TANC2: variants seen among roughly 807,000 people sequenced by gnomAD.
TANC2 encodes protein TANC2.
TANC2 carries 26 observed loss-of-function variants against 210.5 expected under a neutral mutation model. The ratio of observed to expected loss-of-function variants is 0.12; its 90% confidence interval spans 0.09 to 0.17. The LOEUF (loss-of-function observed/expected upper bound fraction) is 0.17. TANC2 is among the 10% of genes least tolerant of loss of function. The pLI is 1.00. For synonymous variants in TANC2, 931 were observed against 967.1 expected (o/e 0.96, Z 0.69); for missense variants, 2,129 against 2,608.9 (o/e 0.82, Z 4.01).
intron 2 of TANC2, among the ~76,000 whole-genome samples, chr17:63,029,434 A>G (rs1194057987): frequency 1.2e-5 from 1 of 84,382 alleles, no homozygotes; most frequent in Non-Finnish European, 2.4e-5. Context: ...AAATGGCATA[A>G]ATTTTCTGAG....
At chr17:62,994,306 T>C (rs937758012) in intron 1 of TANC2, among the ~76,000 whole-genome samples, 4 of 151,602 alleles carry the variant, frequency 2.6e-5, no homozygotes, top group African/African-American at 9.7e-5. Flanking sequence ...CTCAGCCTCC[T>C]GAGTATCTGG....
At chr17:63,024,737 T>G (rs2034482486) in intron 2 of TANC2, among the ~76,000 whole-genome samples, 1 of 152,226 alleles carries the variant, frequency 6.6e-6, no homozygotes, top group Non-Finnish European at 1.5e-5. Flanking sequence ...TGAGAGACTT[T>G]ATAGGTGAGA....
At chr17:63,164,632 A>G (rs1444802785) in intron 5 of TANC2, among the ~76,000 whole-genome samples, 2 of 152,172 alleles carry the variant, frequency 1.3e-5, no homozygotes, top group Admixed American at 6.5e-5. Context: ...CTGGAAGCCC[A>G]GGAAAGCTGG....
chr17:63,369,616 T>G (rs1475592173), intron 14 of TANC2, among the ~76,000 whole-genome samples: 1 of 149,944 alleles, frequency 6.7e-6, no homozygotes, highest in Non-Finnish European at 1.5e-5. Flanking sequence ...TGCAGTGGCA[T>G]GATCTCAGCT....
intron 4 of TANC2, among the ~76,000 whole-genome samples, chr17:63,120,468 CTCAATT>C (rs1413143307): frequency 6.6e-6 from 1 of 152,036 alleles, no homozygotes; most frequent in Non-Finnish European, 1.5e-5. Flanking sequence ...CATTTAGCCC[CTCAATT>C]TCAAACTAGT....
At chr17:63,249,939 A>C (rs1332270429) in intron 8 of TANC2, among the ~76,000 whole-genome samples, 1 of 152,166 alleles carries the variant, frequency 6.6e-6, no homozygotes, top group Non-Finnish European at 1.5e-5. Flanking sequence ...GTATAGAGTT[A>C]TCTCTAAAAT....
intron 6 of TANC2, among the ~76,000 whole-genome samples, chr17:63,194,590 G>T (rs1488238618): frequency 6.6e-6 from 1 of 152,156 alleles, no homozygotes; most frequent in Non-Finnish European, 1.5e-5. Flanking sequence ...TGGATCATTA[G>T]TTCAGATTTT....
intron 1 of TANC2, among the ~76,000 whole-genome samples, chr17:63,009,300 G>A (rs1339331860): frequency 6.6e-6 from 1 of 151,780 alleles, no homozygotes; most frequent in Non-Finnish European, 1.5e-5. Flanking sequence ...TGGGTACATA[G>A]TAGGTGTATA....
rs112482421 is a variant in TANC2, at chr17:62,995,232, A to G, written c.-23-14305A>G. On this transcript the variant is annotated intron_variant, in intron 1 of 27. Transcript: ENST00000689528. ...GGCTGGCTCACATTGTTTCCTGGGAAGGCCAGCCTGCAGTGGCTTAGATAG... is the reference window on the plus strand; with the variant it reads ...GGCTGGCTCACATTGTTTCCTGGGAGGGCCAGCCTGCAGTGGCTTAGATAG... Among the ~76,000 whole-genome samples, 900 of 152,330 alleles carry G rather than the reference A, an allele frequency of 5.9e-3. 2 individuals carry two copies. Among genetic ancestry groups the G allele is most frequent in the Middle Eastern group, 0.014 (4 of 294 alleles).
intron 5 of TANC2, among the ~76,000 whole-genome samples, chr17:63,186,113 A>C (rs1195868584): frequency 2.0e-5 from 3 of 152,136 alleles, no homozygotes; most frequent in African/African-American, 7.2e-5. Flanking sequence ...TTACTTTTCC[A>C]TATGGATATC....
At chr17:63,091,089 C>G (rs1195507985) in intron 3 of TANC2, among the ~76,000 whole-genome samples, 6 of 145,204 alleles carry the variant, frequency 4.1e-5, no homozygotes, top group Admixed American at 2.1e-4. Flanking sequence ...TGTTTAAGTT[C>G]TTTGTAGATT....
intron 7 of TANC2, among the ~76,000 whole-genome samples, chr17:63,208,789 T>C (rs1467390654): frequency 6.6e-6 from 1 of 152,192 alleles, no homozygotes; most frequent in African/African-American, 2.4e-5. Flanking sequence ...GTCAGTGTTA[T>C]GTCTTTTTCA....
chr17:63,338,713 T>G (rs900323804), intron 11 of TANC2, among the ~76,000 whole-genome samples: 1 of 152,228 alleles, frequency 6.6e-6, no homozygotes, highest in Non-Finnish European at 1.5e-5. Flanking sequence ...AAATACAACC[T>G]CTGATTTCCA....
intron 4 of TANC2, chr17:63,117,078 A>C (rs1423084478): frequency 6.6e-6 from 1 of 152,216 alleles, no homozygotes; most frequent in Non-Finnish European, 1.5e-5. Context: ...CCCAGAATCC[A>C]TGTCACAGAT....
At chr17:63,136,475 AT>A (rs1188141276) in intron 4 of TANC2, among the ~76,000 whole-genome samples, 1 of 152,196 alleles carries the variant, frequency 6.6e-6, no homozygotes, top group Non-Finnish European at 1.5e-5. Context: ...TTATACCTCT[AT>A]AAATATCTAC....
chr17:63,411,411 G>T, intron 21 of TANC2, 100 bp from the exon 22 acceptor site: 2 of 1,169,380 alleles, frequency 1.7e-6, no homozygotes, highest in Non-Finnish European at 2.4e-6. Flanking sequence ...GTCCAGAAAC[G>T]AGCAGTGTTC....
chr17:63,406,302 G>GCTGGC lies in TANC2; in HGVS notation c.3589+27_3589+31dup, dbSNP rs764083010. The GCTGGC allele has an allele frequency of 3.1e-6, 5 of 1,609,010 alleles. No homozygotes were observed. In the African/African-American group the frequency reaches 6.7e-5, roughly 21 times the overall value. On this transcript the variant is annotated intron_variant, in intron 21 of 27. Transcript: ENST00000689528. ...GGTTAGTCTTGGAATGCTAGAGCTG[G>GCTGGC]CTGGCCAGTTTCCATAATTACCTGG...
At chr17:63,328,376 A>ATGTGTGTGTG (rs61546119) in intron 11 of TANC2, among the ~76,000 whole-genome samples, 2 of 147,030 alleles carry the variant, frequency 1.4e-5, no homozygotes, top group African/African-American at 5.0e-5. Context: ...GTATGTGTAT[A>ATGTGTGTGTG]TGTGTGTGTG....
intron 5 of TANC2, among the ~76,000 whole-genome samples, chr17:63,186,732 G>C (rs1567797480): frequency 6.6e-6 from 1 of 152,154 alleles, no homozygotes; most frequent in Non-Finnish European, 1.5e-5. Flanking sequence ...TCTTTATGGT[G>C]ACATATTCCT....
Sources: allele counts gnomAD v4.1 joint callset (sites outside exome capture counted in the v4.1 genomes callset), GRCh38; gene constraint gnomAD v4.1.1; transcripts MANE v1.5; gene names NCBI Gene and HGNC (gene_info 2026-07-23, HGNC 2026-07-21).